MNAT1: variants seen among roughly 807,000 people sequenced by gnomAD.
MNAT1 encodes the protein CDK-activating kinase assembly factor MAT1.
Under a neutral mutation model 42.0 loss-of-function variants are expected in MNAT1, and 43 were observed. The observed-to-expected ratio is 1.02, with a 90% confidence interval of 0.80 to 1.32. The LOEUF is 1.32. MNAT1 is among the 40% of genes most tolerant of loss of function. The pLI is 0.00. For synonymous variants in MNAT1, 118 were observed against 120.0 expected, an observed-to-expected ratio of 0.98 and a Z score of 0.11; for missense variants, 306 against 350.4, an observed-to-expected ratio of 0.87 and a Z score of 1.01.
intron 7 of MNAT1, among the ~76,000 whole-genome samples, chr14:60,960,464 A>C (rs1193443980): frequency 6.6e-6 from 1 of 152,100 alleles, no homozygotes; most frequent in African/African-American, 2.4e-5. Flanking sequence ...GTAACTCCAA[A>C]TTGGTATCTT....
At chr14:60,777,990 T>A (rs917923156) in intron 1 of MNAT1, among the ~76,000 whole-genome samples, 1 of 152,232 alleles carries the variant, frequency 6.6e-6, no homozygotes, top group Non-Finnish European at 1.5e-5. Flanking sequence ...TGGCAACAAC[T>A]GAAGGAATGC....
chr14:60,859,615 T>TA (rs1449157949), intron 6 of MNAT1, among the ~76,000 whole-genome samples: 1 of 152,224 alleles, frequency 6.6e-6, no homozygotes, highest in Non-Finnish European at 1.5e-5. Context: ...CTCATTTCTT[T>TA]AAACGCACTA....
chr14:60,908,691 A>G (rs1198805136), intron 7 of MNAT1, among the ~76,000 whole-genome samples: 2 of 152,174 alleles, frequency 1.3e-5, no homozygotes, highest in Non-Finnish European at 2.9e-5. Flanking sequence ...CATGGTGTAT[A>G]TGTGCCACAT....
At chr14:60,772,435 A>T (rs555655766) in intron 1 of MNAT1, among the ~76,000 whole-genome samples, 125 of 152,256 alleles carry the variant, frequency 8.2e-4, no homozygotes, top group Admixed American at 3.1e-3. Context: ...AAATACATAA[A>T]TTAGCCCGGT....
chr14:60,932,159 AT>A (rs1287017203), intron 7 of MNAT1, among the ~76,000 whole-genome samples: 1 of 152,000 alleles, frequency 6.6e-6, no homozygotes, highest in African/African-American at 2.4e-5. Context: ...GAGTTCTGTT[AT>A]CTTTTTTCTT....
chr14:60,881,909 CA>C (rs1291539657), intron 7 of MNAT1, among the ~76,000 whole-genome samples: 4 of 152,126 alleles, frequency 2.6e-5, no homozygotes, highest in Non-Finnish European at 5.9e-5. Flanking sequence ...CCTGTAATCC[CA>C]GCTCTTTGGG....
chr14:60,760,060 T>C (rs150696801), intron 1 of MNAT1, among the ~76,000 whole-genome samples: 1 of 152,270 alleles, frequency 6.6e-6, no homozygotes, highest in African/African-American at 2.4e-5. Flanking sequence ...ATGTGAAAGA[T>C]TAAAGTTGCA....
intron 7 of MNAT1, among the ~76,000 whole-genome samples, chr14:60,883,202 A>T (rs945949788): frequency 2.0e-5 from 3 of 152,046 alleles, no homozygotes; most frequent in Non-Finnish European, 4.4e-5. Context: ...TTAGTAGGTT[A>T]AATAGTTTGA....
intron 7 of MNAT1, 36 bp downstream of exon 7, chr14:60,879,871 A>G (rs201790662): frequency 6.3e-7 from 1 of 1,599,260 alleles, no homozygotes; most frequent in Non-Finnish European, 8.5e-7. Context: ...TGAGGAGCTG[A>G]TATGTGGGAC....
chr14:60,753,523 C>T (rs1313954511), intron 1 of MNAT1: 3 of 152,026 alleles, frequency 2.0e-5, no homozygotes, highest in Non-Finnish European at 2.9e-5. Flanking sequence ...CTTCAGTGTT[C>T]GCACAACATA....
At chr14:60,965,699 A>G (rs2036670426) in intron 7 of MNAT1, among the ~76,000 whole-genome samples, 1 of 152,226 alleles carries the variant, frequency 6.6e-6, no homozygotes, top group Admixed American at 6.5e-5. Context: ...AAGGTTGACA[A>G]ACATTCTACT....
intron 1 of MNAT1, among the ~76,000 whole-genome samples, chr14:60,755,990 A>G (rs2030332628): frequency 6.6e-6 from 1 of 152,232 alleles, no homozygotes; most frequent in Non-Finnish European, 1.5e-5. Flanking sequence ...CTGAACATAT[A>G]TAAGTGAATT....
At chr14:60,761,691 C>T (rs1437926549) in intron 1 of MNAT1, among the ~76,000 whole-genome samples, 1 of 152,158 alleles carries the variant, frequency 6.6e-6, no homozygotes. Context: ...ACAGTCTTCA[C>T]TGCTGCTTTT....
At chr14:60,939,752 T>G (rs1025253243) in intron 7 of MNAT1, among the ~76,000 whole-genome samples, 1 of 152,228 alleles carries the variant, frequency 6.6e-6, no homozygotes, top group Non-Finnish European at 1.5e-5. Flanking sequence ...TTAGGTCTGC[T>G]TGGTGCAGAG....
At chr14:60,943,537 A>T (rs2036217572) in intron 7 of MNAT1, among the ~76,000 whole-genome samples, 1 of 152,066 alleles carries the variant, frequency 6.6e-6, no homozygotes, top group East Asian at 1.9e-4. Flanking sequence ...TTTGTTTTTC[A>T]TATCATCTCG....
intron 6 of MNAT1, among the ~76,000 whole-genome samples, chr14:60,867,635 A>G (rs139647290): frequency 1.4e-3 from 216 of 152,162 alleles, no homozygotes; most frequent in African/African-American, 4.3e-3. Flanking sequence ...ATGTATTTTT[A>G]TGATACATTG....
intron 6 of MNAT1, among the ~76,000 whole-genome samples, chr14:60,826,512 G>C (rs1251981068): frequency 6.6e-6 from 1 of 151,686 alleles, no homozygotes; most frequent in Non-Finnish European, 1.5e-5. Flanking sequence ...GTAGAGACGG[G>C]GTTTCACCAT....
At chr14:60,873,495 A>G (rs1408421584) in intron 6 of MNAT1, among the ~76,000 whole-genome samples, 1 of 152,008 alleles carries the variant, frequency 6.6e-6, no homozygotes, top group Non-Finnish European at 1.5e-5. Flanking sequence ...TTGAGACAAG[A>G]TCTTGCTCTG....
intron 6 of MNAT1, among the ~76,000 whole-genome samples, chr14:60,838,211 A>T (rs1028510418): frequency 6.6e-6 from 1 of 151,864 alleles, no homozygotes; most frequent in African/African-American, 2.4e-5. Context: ...TCACTGCTCA[A>T]TGCAGGTTCT....
Sources: gnomAD v4.1 joint callset for allele counts (sites outside exome capture counted in the v4.1 genomes callset) on GRCh38, gnomAD v4.1.1 for gene constraint, MANE v1.5 for transcripts, NCBI Gene and HGNC (gene_info 2026-07-23, HGNC 2026-07-21) for gene names.